The following CNTN5 variants were observed in gnomAD, a reference collection of about 807,000 sequenced individuals.
CNTN5 encodes the protein contactin-5.
A neutral mutation model predicts 129.1 loss-of-function variants in CNTN5; 77 were observed. The observed-to-expected ratio is 0.60, with a 90% CI of 0.50 to 0.72. The LOEUF (loss-of-function observed/expected upper bound fraction) is 0.72. Among genes scored for constraint, CNTN5 ranks in the 30% least tolerant of loss-of-function variants. The probability of loss-of-function intolerance (pLI) is 0.00; values close to 1 mark genes in which losing one functional copy is unlikely to be tolerated. For missense variants in CNTN5, 1,478 were observed against 1,328.8 expected, an observed-to-expected ratio of 1.11 and a Z score of -1.75; for synonymous variants, 509 against 465.6, an observed-to-expected ratio of 1.09 and a Z score of -1.20.
intron 3 of CNTN5, among the ~76,000 whole-genome samples, chr11:99,757,143 G>A (rs187423831): frequency 6.6e-6 from 1 of 151,912 alleles, no homozygotes; most frequent in South Asian, 2.1e-4. Context: ...TGATCCATTC[G>A]TTTCTCTTAG....
Position 99,753,119 on chromosome 11 carries a change from C to CTTTTTTTTT in CNTN5, c.56-66412_56-66404dup, listed in dbSNP as rs375324214. On this transcript the variant is annotated intron_variant, in intron 3 of 24. Transcript: ENST00000524871. ...TTTATAACATTTTAAGCCATATTTG[C>CTTTTTTTTT]TTTTTTTTTTTTTTTTTTTTTGAGA... Among the ~76,000 whole-genome samples, 86 of 93,076 alleles carry CTTTTTTTTT rather than the reference C, an allele frequency of 9.2e-4. 5 individuals carry two copies. The highest frequency in any genetic ancestry group is 1.5e-3 in the East Asian group (4 of 2,694). The allele number at this position is 93,076 out of a possible 152,430, so 61.1% of individuals were successfully genotyped here. A position where few individuals can be genotyped will look rare whatever the true frequency, so the allele number is the denominator to read the frequency against.
chr11:100,132,554 A>C (rs769120648), intron 13 of CNTN5, among the ~76,000 whole-genome samples: 1 of 152,150 alleles, frequency 6.6e-6, no homozygotes, highest in Non-Finnish European at 1.5e-5. Context: ...TTATTTTTAC[A>C]TGGAGATATC....
intron 9 of CNTN5, among the ~76,000 whole-genome samples, chr11:100,028,394 A>G (rs1420640635): frequency 6.6e-6 from 1 of 152,210 alleles, no homozygotes; most frequent in Non-Finnish European, 1.5e-5. Flanking sequence ...AAAATTAGGA[A>G]AGTAGGAATA....
intron 9 of CNTN5, among the ~76,000 whole-genome samples, chr11:100,056,155 T>C (rs190813582): frequency 2.4e-4 from 36 of 151,856 alleles, no homozygotes; most frequent in African/African-American, 8.2e-4. Context: ...TTACTTTTAT[T>C]GTCATATCTT....
intron 13 of CNTN5, among the ~76,000 whole-genome samples, chr11:100,102,396 C>T (rs968709972): frequency 5.9e-5 from 9 of 152,010 alleles, no homozygotes; most frequent in Admixed American, 3.3e-4. Context: ...GTTCTTCACC[C>T]ACTTTTTGAT....
At chr11:100,189,861 A>C (rs1002412340) in intron 13 of CNTN5, among the ~76,000 whole-genome samples, 1 of 152,044 alleles carries the variant, frequency 6.6e-6, no homozygotes, top group African/African-American at 2.4e-5. Context: ...TTTTTTTCTA[A>C]ATTTGTCTTC....
intron 1 of CNTN5, among the ~76,000 whole-genome samples, chr11:99,139,182 G>T (rs1452345810): frequency 1.4e-5 from 2 of 145,832 alleles, no homozygotes; most frequent in Non-Finnish European, 3.0e-5. Flanking sequence ...TGGGAGGATT[G>T]CTTGAGCCTG....
At chr11:99,468,935 A>G (rs1945057980) in intron 2 of CNTN5, among the ~76,000 whole-genome samples, 1 of 152,148 alleles carries the variant, frequency 6.6e-6, no homozygotes, top group Admixed American at 6.5e-5. Context: ...TGAAACTAGG[A>G]TTAACGGAAA....
At chr11:99,314,722 G>A (rs1002242351) in intron 1 of CNTN5, among the ~76,000 whole-genome samples, 4 of 150,506 alleles carry the variant, frequency 2.7e-5, no homozygotes, top group African/African-American at 9.7e-5. Flanking sequence ...AAAGGGAGAG[G>A]GGAATAAGGA....
intron 2 of CNTN5, among the ~76,000 whole-genome samples, chr11:99,543,879 C>T (rs190622968): frequency 4.7e-5 from 6 of 127,698 alleles, no homozygotes; most frequent in Non-Finnish European, 9.4e-5. Context: ...TGAGATTGCG[C>T]CATTGCACTC....
chr11:99,206,536 A>G (rs1049992739), intron 1 of CNTN5, among the ~76,000 whole-genome samples: 4 of 151,628 alleles, frequency 2.6e-5, no homozygotes, highest in Non-Finnish European at 5.9e-5. Flanking sequence ...CGTTTTTTCC[A>G]CCATGATTTT....
At chr11:99,981,103 TACACAC>T (rs1555171291) in intron 8 of CNTN5, among the ~76,000 whole-genome samples, 9 of 54,436 alleles carry the variant, frequency 1.7e-4, no homozygotes, top group Non-Finnish European at 2.3e-4. Flanking sequence ...TATATATATA[TACACAC>T]ACACACACAT....
At chr11:99,687,201 C>T (rs80036338) in intron 3 of CNTN5, among the ~76,000 whole-genome samples, 4,549 of 151,972 alleles carry the variant, frequency 0.03, 226 homozygotes, top group African/African-American at 0.1. Flanking sequence ...ATAACAGAAA[C>T]GAAAGAAAAG....
intron 1 of CNTN5, among the ~76,000 whole-genome samples, chr11:99,095,091 T>A (rs774896910): frequency 4.0e-4 from 61 of 152,030 alleles, no homozygotes; most frequent in Middle Eastern, 6.8e-3. Context: ...CATCAACTTG[T>A]CATCGACATT....
At chr11:99,028,016 G>T (rs1360765994) in intron 1 of CNTN5, among the ~76,000 whole-genome samples, 1 of 151,624 alleles carries the variant, frequency 6.6e-6, no homozygotes, top group African/African-American at 2.4e-5. Context: ...GAAGCCCAAT[G>T]AATAGTCATT....
intron 2 of CNTN5, among the ~76,000 whole-genome samples, chr11:99,511,970 G>A (rs1032851010): frequency 3.3e-5 from 5 of 152,140 alleles, no homozygotes; most frequent in Admixed American, 3.3e-4. Flanking sequence ...AGTTTATAAA[G>A]TAAATTAATT....
intron 3 of CNTN5, among the ~76,000 whole-genome samples, chr11:99,658,513 C>T (rs1022315838): frequency 1.3e-5 from 2 of 151,948 alleles, no homozygotes; most frequent in Non-Finnish European, 2.9e-5. Context: ...TAAATATTTA[C>T]TCTTGCATCA....
intron 1 of CNTN5, among the ~76,000 whole-genome samples, chr11:99,253,923 ATT>A (rs1862245633): frequency 7.3e-6 from 1 of 137,082 alleles, no homozygotes; most frequent in Non-Finnish European, 1.6e-5. Flanking sequence ...ATATATATAT[ATT>A]TGGTAGAACA....
intron 3 of CNTN5, among the ~76,000 whole-genome samples, chr11:99,623,131 C>T (rs75072580): frequency 2.2e-3 from 330 of 152,204 alleles, no homozygotes; most frequent in Non-Finnish European, 2.9e-3. Flanking sequence ...TCCCCCTCAT[C>T]CTAGTGATGT....
Sources: allele counts gnomAD v4.1 joint callset (sites outside exome capture counted in the v4.1 genomes callset), GRCh38; gene constraint gnomAD v4.1.1; transcripts MANE v1.5; gene names NCBI Gene and HGNC (gene_info 2026-07-23, HGNC 2026-07-21).